The following AGPS variants were observed in gnomAD, a reference collection of about 807,000 sequenced individuals.
AGPS encodes alkylglycerone phosphate synthase.
In AGPS, 26 loss-of-function variants were observed where a neutral mutation model predicts 90.7. The observed-to-expected ratio is 0.29, with a 90% CI of 0.21 to 0.40. The LOEUF (loss-of-function observed/expected upper bound fraction) is 0.40. Among genes scored for constraint, AGPS ranks in the 10% least tolerant of loss-of-function variants. The pLI, the probability that AGPS is intolerant of heterozygous loss-of-function variation, is 1.00. For synonymous variants in AGPS, 294 were observed against 285.3 expected, an observed-to-expected ratio of 1.03 and a Z score of -0.31; for missense variants, 540 against 816.1, an observed-to-expected ratio of 0.66 and a Z score of 4.12.
chr2:177,472,216 G>A (rs1687645781), intron 10 of AGPS, among the ~76,000 whole-genome samples: 1 of 146,778 alleles, frequency 6.8e-6, no homozygotes, highest in Non-Finnish European at 1.5e-5. Flanking sequence ...CTTTTTCTCT[G>A]ACCCTTTTTC....
chr2:177,519,543 T>C (rs1020052389), intron 17 of AGPS, among the ~76,000 whole-genome samples: 2 of 152,244 alleles, frequency 1.3e-5, no homozygotes, highest in Non-Finnish European at 2.9e-5. Context: ...ATTTAAATTA[T>C]CTGTGTAGAA....
Position 177,538,909 on chromosome 2 carries a change from A to G in AGPS, c.*714A>G, listed in dbSNP as rs2079207483. ...TATTGTTATATTCTAATTCATTGAT[A>G]ATATGTTTTGTAAGAAAAGCTGACA... On this transcript the variant is annotated 3_prime_UTR_variant, in exon 20 of 20. Transcript: ENST00000264167. 2 of 152,030 alleles carry G rather than the reference A, an allele frequency of 1.3e-5. No homozygotes were observed. Among genetic ancestry groups the G allele is most frequent in the African/African-American group, 2.4e-5 (1 of 41,424 alleles). 9.4% of individuals were successfully genotyped at this position (152,030 alleles called of 1,614,324 possible).
intron 1 of AGPS, among the ~76,000 whole-genome samples, chr2:177,405,062 G>C (rs1010999033): frequency 5.3e-5 from 8 of 152,222 alleles, no homozygotes; most frequent in Admixed American, 1.3e-4. Context: ...GATGGAATTA[G>C]AGCCAAGAAC....
At chr2:177,404,950 A>G (rs1340254568) in intron 1 of AGPS, among the ~76,000 whole-genome samples, 1 of 152,220 alleles carries the variant, frequency 6.6e-6, no homozygotes, top group African/African-American at 2.4e-5. Flanking sequence ...GATATTTGTT[A>G]TAAGTATTAA....
At chr2:177,516,234 T>C (rs1254368643) in intron 17 of AGPS, among the ~76,000 whole-genome samples, 4 of 152,042 alleles carry the variant, frequency 2.6e-5, no homozygotes, top group Non-Finnish European at 5.9e-5. Flanking sequence ...ATTTATTGAG[T>C]TCATTTATTT....
rs754149000 is a variant in AGPS, at chr2:177,482,087, A to G, written c.1134A>G (p.Thr378=). 1 of 1,604,750 alleles carries G rather than the reference A, an allele frequency of 6.2e-7. No individual in the cohort carries two copies. The highest frequency in any genetic ancestry group is 8.5e-7 in the Non-Finnish European group (1 of 1,173,834). The change falls in exon 11 of 20, where the codon ACA becomes ACG. Residue 378 remains threonine, a synonymous_variant. Coordinates refer to ENST00000264167, the MANE Select transcript of AGPS (RefSeq NM_003659.4). The part of the protein sequence containing the change: ...EGTLGVITEA[T]IKIRPVPEYQ... ...CTCTTGGTGTAATAACAGAAGCTAC[A>G]ATAAAAATCAGACCAGTCCCTGAAT...
intron 1 of AGPS, among the ~76,000 whole-genome samples, chr2:177,402,960 G>A (rs1685370482): frequency 6.6e-6 from 1 of 152,198 alleles, no homozygotes; most frequent in African/African-American, 2.4e-5. Flanking sequence ...TGGAGGCTGA[G>A]GCAGGAGAGT....
chr2:177,492,080 C>T (rs1414175256), intron 11 of AGPS, among the ~76,000 whole-genome samples: 1 of 152,110 alleles, frequency 6.6e-6, no homozygotes, highest in African/African-American at 2.4e-5. Flanking sequence ...GCCACTGCAC[C>T]CATCCCCTCC....
chr2:177,490,578 G>A (rs912430349), intron 11 of AGPS, among the ~76,000 whole-genome samples: 5 of 152,070 alleles, frequency 3.3e-5, no homozygotes, highest in African/African-American at 1.2e-4. Context: ...ATACTGGATA[G>A]CTAGCTTATG....
chr2:177,485,472 G>A (rs1195409778), intron 11 of AGPS, among the ~76,000 whole-genome samples: 1 of 152,122 alleles, frequency 6.6e-6, no homozygotes, highest in Non-Finnish European at 1.5e-5. Flanking sequence ...GCCCCTGATA[G>A]AAAGTGACAC....
rs1196082219 is a variant in AGPS, at chr2:177,392,952, A to G, written c.163A>G (p.Thr55Ala). The change falls in exon 1 of 20, where the codon ACC becomes GCC. Residue 55 changes from threonine (T) to alanine (A), a missense_variant. Thr to Ala is a moderately conservative substitution (Grantham distance 58). Around this residue, in one of 2 missense-constraint regions of AGPS, gnomAD observed 135 missense variants for 124.0 expected, o/e 1.09. Coordinates refer to ENST00000264167, the MANE Select transcript of AGPS (RefSeq NM_003659.4). ...LLGRPREALS[T>A]NECKARRAAS... is the part of the protein sequence containing the mutation. ...GGGCCGGCCCCGGGAGGCTCTGAGT[A>G]CCAATGAGTGCAAAGCGCGGAGAGC... 6.5e-7 allele frequency: 1 copy of G among 1,549,946 alleles called. No homozygotes were observed. Among genetic ancestry groups the G allele is most frequent in the Non-Finnish European group, 8.7e-7 (1 of 1,146,704 alleles).
In AGPS at chr2:177,420,320, C is replaced by T. The variant is rs1359971696; in HGVS notation, c.312C>T (p.Ile104=). The change falls in exon 2 of 20, where the codon ATC becomes ATT. Residue 104 remains isoleucine (I), a synonymous_variant. Coordinates refer to ENST00000264167, the MANE Select transcript of AGPS (RefSeq NM_003659.4). The part of the protein sequence containing the change: ...NGWGYNDSKF[I]FNKKGQIELT... ...GGGGATATAATGATTCTAAATTCATCTTCAATAAGAAGGGCCAAATTGAAT... is the reference window on the plus strand; with the variant it reads ...GGGGATATAATGATTCTAAATTCATTTTCAATAAGAAGGGCCAAATTGAAT... 2 of 1,610,664 alleles carry T rather than the reference C, an allele frequency of 1.2e-6. No individual in the cohort carries two copies. Among genetic ancestry groups the T allele is most frequent in the Non-Finnish European group, 1.7e-6 (2 of 1,177,448 alleles).
At chr2:177,491,222 C>T (rs1688247780) in intron 11 of AGPS, among the ~76,000 whole-genome samples, 1 of 151,470 alleles carries the variant, frequency 6.6e-6, no homozygotes, top group South Asian at 2.1e-4. Context: ...GAATAGTGTT[C>T]TTCTTTATAA....
intron 8 of AGPS, among the ~76,000 whole-genome samples, chr2:177,458,041 A>T (rs1162957587): frequency 1.3e-5 from 2 of 152,214 alleles, no homozygotes; most frequent in Non-Finnish European, 2.9e-5. Flanking sequence ...CAACATATGC[A>T]AATAAATCAA....
intron 8 of AGPS, among the ~76,000 whole-genome samples, chr2:177,454,841 C>T (rs990339430): frequency 1.3e-5 from 2 of 152,142 alleles, no homozygotes; most frequent in African/African-American, 2.4e-5. Context: ...ACCTAATACT[C>T]TGTGAATTAA....
At position 177,406,841 on chromosome 2, in the gene AGPS, T is replaced by A. The variant is rs554372708; in HGVS notation, c.261-13428T>A. Among the ~76,000 whole-genome samples the A allele has an allele frequency of 2.0e-5, 3 of 152,344 alleles. No homozygotes were observed. In the South Asian group the frequency reaches 6.2e-4, roughly 32 times the overall value. On this transcript the variant is annotated intron_variant, in intron 1 of 19. Transcript: ENST00000264167. ...ATGCTTCAGCCAATTTTATGCTGCT[T>A]ATTAGATGGGAAAATCCTTGTGCTT...
At chr2:177,447,035 A>G (rs1246780878) in intron 8 of AGPS, among the ~76,000 whole-genome samples, 1 of 152,228 alleles carries the variant, frequency 6.6e-6, no homozygotes, top group Non-Finnish European at 1.5e-5. Context: ...AGATAACGAT[A>G]ACTCAGCTTT....
At chr2:177,437,525 A>G (rs1277479536) in intron 5 of AGPS, among the ~76,000 whole-genome samples, 1 of 152,156 alleles carries the variant, frequency 6.6e-6, no homozygotes, top group Non-Finnish European at 1.5e-5. Flanking sequence ...ATTTTGAGTA[A>G]TTATTAGGAT....
chr2:177,405,673 G>GT (rs56860445), intron 1 of AGPS, among the ~76,000 whole-genome samples: 109,781 of 144,842 alleles, frequency 0.76, 43,365 homozygotes, highest in East Asian at 0.92. Flanking sequence ...CTATTCTGTT[G>GT]TTTTTTTTTT....
Sources: gnomAD v4.1 joint callset for allele counts (sites outside exome capture counted in the v4.1 genomes callset) on GRCh38, gnomAD v4.1.1 for gene constraint, gnomAD v4.1.1 regional missense constraint, MANE v1.5 for transcripts, NCBI Gene and HGNC (gene_info 2026-07-23, HGNC 2026-07-21) for gene names.